ABCA12: variants seen among roughly 807,000 people sequenced by gnomAD.
ABCA12 encodes the protein glucosylceramide transporter ABCA12.
A neutral mutation model predicts 293.5 loss-of-function variants in ABCA12; 156 were observed. That is an observed-to-expected ratio of 0.53 (90% CI 0.47 to 0.61). The LOEUF (loss-of-function observed/expected upper bound fraction) is 0.61. Among genes scored for constraint, ABCA12 ranks in the 20% least tolerant of loss-of-function variants. The pLI, the probability that ABCA12 is intolerant of heterozygous loss-of-function variation, is 0.00. For missense variants in ABCA12, 2,797 were observed against 3,090.2 expected, an observed-to-expected ratio of 0.91 and a Z score of 2.25; for synonymous variants, 1,063 against 1,108.0, an observed-to-expected ratio of 0.96 and a Z score of 0.81.
intron 7 of ABCA12, among the ~76,000 whole-genome samples, chr2:215,040,933 A>G (rs1575004472): frequency 6.6e-6 from 1 of 152,192 alleles, no homozygotes; most frequent in East Asian, 1.9e-4. Context: ...TGTTACATAC[A>G]TATATGTGTA....
At chr2:215,126,622 T>G (rs1041662934) in intron 1 of ABCA12, among the ~76,000 whole-genome samples, 1 of 152,198 alleles carries the variant, frequency 6.6e-6, no homozygotes, top group African/African-American at 2.4e-5. Flanking sequence ...TGATCTTTTG[T>G]ATTTCAATGG....
intron 3 of ABCA12, among the ~76,000 whole-genome samples, chr2:215,063,618 G>A (rs572365221): frequency 3.0e-5 from 4 of 133,084 alleles, no homozygotes; most frequent in African/African-American, 9.9e-5. Flanking sequence ...ATTTCAGGAC[G>A]CTTAATTTCC....
At chr2:215,006,424 A>G (rs963352539) in intron 19 of ABCA12, among the ~76,000 whole-genome samples, 3 of 152,190 alleles carry the variant, frequency 2.0e-5, no homozygotes, top group Non-Finnish European at 4.4e-5. Context: ...AAGACATTTG[A>G]TGAAAAGTTT....
At chr2:214,948,972 T>C (rs1698666099) in intron 46 of ABCA12, 68 bp downstream of exon 46, 1 of 1,382,132 alleles carries the variant, frequency 7.2e-7, no homozygotes, top group Non-Finnish European at 1.0e-6. Context: ...ACATTAAATG[T>C]TCATTTCAAT....
intron 34 of ABCA12, among the ~76,000 whole-genome samples, chr2:214,975,214 T>C (rs923942122): frequency 6.6e-6 from 1 of 152,180 alleles, no homozygotes; most frequent in Non-Finnish European, 1.5e-5. Flanking sequence ...TCAGCCCACC[T>C]TGGCCTCCCA....
intron 39 of ABCA12, among the ~76,000 whole-genome samples, chr2:214,965,081 C>A (rs182291397): frequency 6.6e-6 from 1 of 152,058 alleles, no homozygotes; most frequent in South Asian, 2.1e-4. Flanking sequence ...CACATACCTA[C>A]GACCATCTGA....
intron 1 of ABCA12, among the ~76,000 whole-genome samples, chr2:215,116,354 G>A (rs966818731): frequency 1.3e-5 from 2 of 152,092 alleles, no homozygotes; most frequent in Non-Finnish European, 2.9e-5. Flanking sequence ...ACTCGACATA[G>A]CTAAAGATGA....
At position 214,954,259 on chromosome 2, in the gene ABCA12, A is replaced by G; in HGVS notation, c.6394-152T>C. 3.9e-6 allele frequency: 3 copies of G among 766,808 alleles called. No individual in the cohort carries two copies. The South Asian group carries it at 5.3e-5, about 14-fold the overall frequency. The allele number at this position is 766,808 out of a possible 1,614,324, so 47.5% of individuals were successfully genotyped here. ...CCATATAGGCTGAATTTGCATACAA[A>G]TATTTAGTATACTAAATGGTGGATG... On this transcript the variant is annotated intron_variant, in intron 43 of 52. Transcript: ENST00000272895.
At chr2:214,976,376 A>G (rs1699517728) in intron 33 of ABCA12, among the ~76,000 whole-genome samples, 2 of 152,242 alleles carry the variant, frequency 1.3e-5, no homozygotes, top group Admixed American at 6.5e-5. Context: ...CTCAAACCCT[A>G]AAGTCTCAAT....
Position 214,975,871 on chromosome 2 carries a change from G to A in ABCA12, c.5295C>T (p.Gly1765=). The change falls in exon 34 of 53, where the codon GGC becomes GGT. Residue 1765 remains glycine, a synonymous_variant. Transcript: ENST00000272895. ...IVFVTTAMGL[G]TLRNSSNSYP... is the part of the protein sequence containing the mutation. ...AACTGTTGCTGGAATTTCTCAGTGTGCCAAGGCCCATGGCAGTGGTAACAA... is the reference window on the plus strand; with the variant it reads ...AACTGTTGCTGGAATTTCTCAGTGTACCAAGGCCCATGGCAGTGGTAACAA... The A allele has an allele frequency of 6.2e-7, 1 of 1,614,118 alleles. No homozygotes were observed. Among genetic ancestry groups the A allele is most frequent in the Non-Finnish European group, 8.5e-7 (1 of 1,179,984 alleles).
At position 215,028,506 on chromosome 2, in the gene ABCA12, G is replaced by A. The variant is rs548954389; in HGVS notation, c.1062-1568C>T. On this transcript the variant is annotated intron_variant, in intron 9 of 52. Coordinates refer to ENST00000272895, the MANE Select transcript of ABCA12 (RefSeq NM_173076.3). ...ACTCTTGGTAATACTATATTTGGTG[G>A]ACTCAGACCTTAGAGATTTTAGACA... Among the ~76,000 whole-genome samples the A allele has an allele frequency of 2.0e-5, 3 of 152,196 alleles. No homozygotes were observed. The East Asian group carries it at 5.8e-4, about 29-fold the overall frequency.
intron 38 of ABCA12, among the ~76,000 whole-genome samples, chr2:214,968,052 T>G (rs1699304430): frequency 6.6e-6 from 1 of 152,172 alleles, no homozygotes; most frequent in Non-Finnish European, 1.5e-5. Context: ...GAAGCAAGGC[T>G]AAACATATAC....
chr2:215,070,508 A>G (rs369138546), intron 2 of ABCA12, among the ~76,000 whole-genome samples: 1 of 147,612 alleles, frequency 6.8e-6, no homozygotes, highest in Admixed American at 6.7e-5. Context: ...AGCATTAGGT[A>G]TATCTCCTAA....
chr2:214,932,423 C>G lies in ABCA12; in HGVS notation c.*211G>C, dbSNP rs1157076192. The stretch of plus-strand genomic sequence containing the variant: ...TAGCATGCTCACAGTGTTGAGTATA[C>G]AGGAATTCATTTCAGTAGCAACAAC... On this transcript the variant is annotated 3_prime_UTR_variant, in exon 53 of 53. Coordinates refer to ENST00000272895, the MANE Select transcript of ABCA12 (RefSeq NM_173076.3). The G allele has an allele frequency of 1.8e-6, 1 of 571,348 alleles. No individual in the cohort carries two copies. Among genetic ancestry groups the G allele is most frequent in the African/African-American group, 1.9e-5 (1 of 53,208 alleles). 35.4% of individuals were successfully genotyped at this position (571,348 alleles called of 1,614,324 possible).
chr2:214,934,026 T>A (rs535378485), intron 52 of ABCA12, 52 bp downstream of exon 52: 3 of 1,563,038 alleles, frequency 1.9e-6, no homozygotes, highest in Admixed American at 3.4e-5. Flanking sequence ...CCAGAATGAA[T>A]AATAATATTA....
chr2:215,046,508 C>T lies in ABCA12; in HGVS notation c.694-493G>A, dbSNP rs1017295744. The stretch of plus-strand genomic sequence containing the variant: ...TAATATAATATAATATATATAAGAG[C>T]GTGTGTGTGTGTATATATATATATA... On this transcript the variant is annotated intron_variant, in intron 6 of 52. Transcript: ENST00000272895. 2.1e-5 allele frequency among the ~76,000 whole-genome samples: 3 copies of T among 144,910 alleles called. 1 individual carries two copies. Among genetic ancestry groups the T allele is most frequent in the African/African-American group, 7.7e-5 (3 of 39,056 alleles).
chr2:215,071,551 G>A (rs967803281), intron 2 of ABCA12, among the ~76,000 whole-genome samples: 1 of 152,150 alleles, frequency 6.6e-6, no homozygotes, highest in Non-Finnish European at 1.5e-5. Context: ...TGAAAAACAG[G>A]TACACTTCTA....
At chr2:215,110,808 C>T (rs1270280874) in intron 2 of ABCA12, among the ~76,000 whole-genome samples, 2 of 152,170 alleles carry the variant, frequency 1.3e-5, no homozygotes, top group Non-Finnish European at 2.9e-5. Context: ...GAAATACAAT[C>T]TAATTTATAG....
At position 214,942,421 on chromosome 2, in the gene ABCA12, A is replaced by C. The variant is rs1179531383; in HGVS notation, c.7436+504T>G. On this transcript the variant is annotated intron_variant, in intron 50 of 52. Transcript: ENST00000272895. The stretch of plus-strand genomic sequence containing the variant: ...ACACTCTGGTGTATACAAACTATTA[A>C]ATTTGATAGTAGTATGATATTTATG... Among the ~76,000 whole-genome samples, 10 of 152,200 alleles carry C rather than the reference A, an allele frequency of 6.6e-5. No individual in the cohort carries two copies. In the South Asian group the frequency reaches 8.3e-4, roughly 13 times the overall value.
Sources: gnomAD v4.1 joint callset for allele counts (sites outside exome capture counted in the v4.1 genomes callset) on GRCh38, gnomAD v4.1.1 for gene constraint, MANE v1.5 for transcripts, NCBI Gene and HGNC (gene_info 2026-07-23, HGNC 2026-07-21) for gene names.